Variants in EYS observed in about 807,000 individuals in gnomAD.
The protein encoded by EYS is EGF-like photoreceptor maintenance factor, also known as protein eyes shut homolog.
EYS carries 250 observed loss-of-function variants against 282.1 expected under a neutral mutation model. The observed-to-expected ratio is 0.89, with a 90% CI of 0.80 to 0.98. The LOEUF is 0.98. Among genes scored for constraint, EYS ranks in the 50% least tolerant of loss-of-function variants. The pLI is 0.00. For missense variants in EYS, 4,016 were observed against 3,709.0 expected (o/e 1.08, Z -2.15); for synonymous variants, 1,355 against 1,282.9 (o/e 1.06, Z -1.20).
rs973330082 is a variant in EYS, at chr6:65,179,570, T to G, written c.2023+116293A>C. 9.2e-5 allele frequency among the ~76,000 whole-genome samples: 14 copies of G among 151,528 alleles called. 1 individual carries two copies. The South Asian group carries it at 2.9e-3, about 31-fold the overall frequency. On this transcript the variant is annotated intron_variant, in intron 12 of 42. Coordinates refer to ENST00000503581, the MANE Select transcript of EYS (RefSeq NM_001142800.2). ...CTCTGAAATTGAGGCAATAACAGCT[T>G]AGCAACCAAAAAAAGTCCAGGACCA...
intron 29 of EYS, among the ~76,000 whole-genome samples, chr6:64,342,245 TG>T (rs975002163): frequency 5.3e-5 from 8 of 151,530 alleles, no homozygotes; most frequent in African/African-American, 1.9e-4. Context: ...TATAGTAATT[TG>T]GGCACACATC....
chr6:64,195,662 T>A (rs189776068), intron 31 of EYS, among the ~76,000 whole-genome samples: 61 of 152,340 alleles, frequency 4.0e-4, no homozygotes, highest in Admixed American at 2.4e-3. Flanking sequence ...ATTACTATAA[T>A]GTTTCTTTAT....
intron 18 of EYS, among the ~76,000 whole-genome samples, chr6:64,900,059 G>A (rs1767606368): frequency 6.6e-6 from 1 of 152,024 alleles, no homozygotes; most frequent in Admixed American, 6.6e-5. Flanking sequence ...CAGAACAGAA[G>A]CCTCAGAAAT....
At chr6:64,251,669 C>A (rs1344924779) in intron 30 of EYS, among the ~76,000 whole-genome samples, 1 of 152,030 alleles carries the variant, frequency 6.6e-6, no homozygotes, top group Non-Finnish European at 1.5e-5. Flanking sequence ...GTATTATGAC[C>A]ATGTTTTGCT....
chr6:64,924,747 A>C (rs1768458593), intron 15 of EYS, among the ~76,000 whole-genome samples: 1 of 152,184 alleles, frequency 6.6e-6, no homozygotes, highest in Admixed American at 6.5e-5. Context: ...CTCTTTGCTA[A>C]AACATAACAA....
chr6:65,331,819 G>A (rs900472657), intron 11 of EYS: 1 of 639,074 alleles, frequency 1.6e-6, no homozygotes, highest in Non-Finnish European at 1.9e-6. Flanking sequence ...TCGTATTGAA[G>A]CACATATCAG....
At chr6:63,836,377 A>G (rs115204732) in intron 36 of EYS, among the ~76,000 whole-genome samples, 2 of 151,998 alleles carry the variant, frequency 1.3e-5, no homozygotes, top group Non-Finnish European at 2.9e-5. Context: ...CCAAAAAATG[A>G]CATTTCTAGC....
At chr6:64,704,379 A>G (rs1220435248) in intron 22 of EYS, among the ~76,000 whole-genome samples, 2 of 146,486 alleles carry the variant, frequency 1.4e-5, no homozygotes, top group African/African-American at 2.5e-5. Context: ...ATACAGCAAT[A>G]AAATTGTATC....
chr6:64,833,970 A>T (rs968371526), intron 19 of EYS, among the ~76,000 whole-genome samples: 1 of 151,876 alleles, frequency 6.6e-6, no homozygotes, highest in Non-Finnish European at 1.5e-5. Flanking sequence ...TTAATTCTTC[A>T]TTTGAATGGG....
chr6:65,512,787 G>A (rs1270430406), intron 2 of EYS, among the ~76,000 whole-genome samples: 1 of 151,874 alleles, frequency 6.6e-6, no homozygotes, highest in Non-Finnish European at 1.5e-5. Flanking sequence ...CACATTCAAA[G>A]CAGTGTGTAG....
intron 22 of EYS, among the ~76,000 whole-genome samples, chr6:64,700,935 A>G (rs1770765303): frequency 1.3e-5 from 2 of 152,118 alleles, no homozygotes; most frequent in Admixed American, 1.3e-4. Context: ...CAAAAAGAAT[A>G]AAGTTGGAGA....
intron 37 of EYS, among the ~76,000 whole-genome samples, chr6:63,801,454 GA>G (rs1770781002): frequency 6.6e-6 from 1 of 152,080 alleles, no homozygotes; most frequent in Admixed American, 6.6e-5. Flanking sequence ...GAATGAAAGG[GA>G]AAAATTGAGA....
chr6:65,418,212 C>T (rs1322434897), intron 5 of EYS, among the ~76,000 whole-genome samples: 3 of 152,034 alleles, frequency 2.0e-5, no homozygotes, highest in Non-Finnish European at 4.4e-5. Context: ...AGTAGAAAAA[C>T]TACATTTCCA....
chr6:65,435,337 T>C (rs1768035191), intron 5 of EYS, among the ~76,000 whole-genome samples: 1 of 152,040 alleles, frequency 6.6e-6, no homozygotes, highest in Non-Finnish European at 1.5e-5. Context: ...AGTTCACATG[T>C]TATGATTTGC....
At chr6:65,088,293 G>GA (rs1465712928) in intron 12 of EYS, among the ~76,000 whole-genome samples, 18 of 152,278 alleles carry the variant, frequency 1.2e-4, no homozygotes, top group African/African-American at 4.1e-4. Flanking sequence ...GAACAGTTTG[G>GA]AGGGGTCAAA....
chr6:65,568,106 T>G (rs1015660747), intron 2 of EYS, among the ~76,000 whole-genome samples: 9 of 152,182 alleles, frequency 5.9e-5, no homozygotes, highest in African/African-American at 2.2e-4. Flanking sequence ...GAACAAACCC[T>G]TTTACAATTA....
chr6:64,832,783 C>T (rs1176008274), intron 19 of EYS, among the ~76,000 whole-genome samples: 2 of 151,790 alleles, frequency 1.3e-5, no homozygotes, highest in East Asian at 3.9e-4. Context: ...TTGTATCTCA[C>T]GAAGCTACAA....
At chr6:64,975,011 C>T (rs1770428707) in intron 14 of EYS, among the ~76,000 whole-genome samples, 1 of 151,698 alleles carries the variant, frequency 6.6e-6, no homozygotes, top group African/African-American at 2.4e-5. Context: ...CAGAGGTCCC[C>T]AGAGAATCAA....
chr6:65,663,929 T>A (rs1323376328), intron 1 of EYS, among the ~76,000 whole-genome samples: 1 of 143,936 alleles, frequency 6.9e-6, no homozygotes, highest in Non-Finnish European at 1.5e-5. Context: ...TGGAGTGTAG[T>A]GGCGCAATCT....
Sources: allele counts gnomAD v4.1 joint callset (sites outside exome capture counted in the v4.1 genomes callset), GRCh38; gene constraint gnomAD v4.1.1; transcripts MANE v1.5; gene names NCBI Gene and HGNC (gene_info 2026-07-23, HGNC 2026-07-21).